The following CACNA1H variants were observed in gnomAD, a reference collection of about 807,000 sequenced individuals.
The protein encoded by CACNA1H is calcium voltage-gated channel subunit alpha1 H, also known as voltage-dependent T-type calcium channel subunit alpha-1H.
In CACNA1H, 149 loss-of-function variants were observed where a neutral mutation model predicts 192.5. The observed-to-expected ratio is 0.77, with a 90% confidence interval of 0.68 to 0.89. The LOEUF (loss-of-function observed/expected upper bound fraction) is 0.89. Among genes scored for constraint, CACNA1H ranks in the 40% least tolerant of loss-of-function variants. CACNA1H has a pLI of 0.00. For missense variants in CACNA1H, 4,257 were observed against 3,423.5 expected (o/e 1.24, Z -6.08); for synonymous variants, 2,202 against 1,475.2 (o/e 1.49, Z -11.29).
intron 2 of CACNA1H, among the ~76,000 whole-genome samples, chr16:1,194,621 G>C (rs561697817): frequency 1.4e-4 from 22 of 152,326 alleles, no homozygotes; most frequent in Admixed American, 5.9e-4. Context: ...GCCCCATGTG[G>C]GCAGCTAGGC....
chr16:1,169,677 G>A (rs567061401), intron 2 of CACNA1H, among the ~76,000 whole-genome samples: 18 of 152,352 alleles, frequency 1.2e-4, no homozygotes, highest in Non-Finnish European at 2.6e-4. Flanking sequence ...TGTCTGGGTC[G>A]GCCACAGGCC....
intron 2 of CACNA1H, among the ~76,000 whole-genome samples, chr16:1,182,233 C>T (rs1596343006): frequency 1.3e-5 from 2 of 152,286 alleles, no homozygotes; most frequent in African/African-American, 4.8e-5. Flanking sequence ...GGCCTCAGCC[C>T]ACCTGGGTGC....
In CACNA1H at chr16:1,195,919, C is replaced by A. The variant is rs1284560081; in HGVS notation, c.546-7C>A. ...GTTGAGCTGCTCCCCCTCGGCCCCG[C>A]CCCCAGCATGATGGAGTACTCGTTG... On this transcript the variant is annotated splice_polypyrimidine_tract_variant and splice_region_variant and intron_variant, in intron 4 of 34. Transcript: ENST00000348261. 1 of 1,611,264 alleles carries A rather than the reference C, an allele frequency of 6.2e-7. No individual in the cohort carries two copies. The highest frequency in any genetic ancestry group is 8.5e-7 in the Non-Finnish European group (1 of 1,178,254).
intron 26 of CACNA1H, among the ~76,000 whole-genome samples, chr16:1,213,526 C>T (rs1403413066): frequency 6.6e-6 from 1 of 152,102 alleles, no homozygotes; most frequent in Non-Finnish European, 1.5e-5. Context: ...CTGCTCCAGC[C>T]CAGGCCTCCT....
In CACNA1H at chr16:1,207,124, G is replaced by C; in HGVS notation, c.2907+6G>C. 1 of 1,579,540 alleles carries C rather than the reference G, an allele frequency of 6.3e-7. No homozygotes were observed. The highest frequency in any genetic ancestry group is 1.2e-5 in the South Asian group (1 of 86,716). Reference sequence around the variant, plus strand: ...CCATCGTCACCGTGTTCCAGGTAGTGCCCGGGGTCCCCGCAGCAGTGTTGG... The same window carrying C: ...CCATCGTCACCGTGTTCCAGGTAGTCCCCGGGGTCCCCGCAGCAGTGTTGG... On this transcript the variant is annotated splice_donor_region_variant and intron_variant, in intron 13 of 34. Coordinates refer to ENST00000348261, the MANE Select transcript of CACNA1H (RefSeq NM_021098.3).
rs532454901 is a variant in CACNA1H at position 1,175,027 on chromosome 16, A to G, written c.300-19945A>G. Among the ~76,000 whole-genome samples, 9 of 151,224 alleles carry G rather than the reference A, an allele frequency of 6.0e-5. 1 individual carries two copies. The South Asian group carries it at 1.7e-3, about 28-fold the overall frequency. On this transcript the variant is annotated intron_variant, in intron 2 of 34. Coordinates refer to ENST00000348261, the MANE Select transcript of CACNA1H (RefSeq NM_021098.3). ...TCAGGGCTGCATGGACTGTGAGGCC[A>G]GCTAGGTGGTGGCTCCGTGTATCAG... is the stretch of plus-strand genomic sequence containing the variant.
In CACNA1H at chr16:1,195,063, G is replaced by T. The variant is rs753494538; in HGVS notation, c.391G>T (p.Glu131Ter). The T allele has an allele frequency of 6.2e-7, 1 of 1,607,574 alleles. No homozygotes were observed. Among genetic ancestry groups the T allele is most frequent in the Non-Finnish European group, 8.5e-7 (1 of 1,176,242 alleles). The change falls in exon 3 of 35, where the codon GAG becomes TAG. Residue 131 changes from glutamate to a stop codon, truncating the protein, a stop_gained. Transcript: ENST00000348261. LOFTEE classifies it high-confidence loss of function. ...RPCEDVECGS[E>*]RCNILEAFDA... The stretch of plus-strand genomic sequence containing the variant: ...CTGTGAGGACGTTGAGTGCGGCTCC[G>T]AGCGCTGCAACATCCTGGAGGTGAG...
chr16:1,196,594 C>T (rs1967004878), intron 5 of CACNA1H, among the ~76,000 whole-genome samples: 1 of 152,212 alleles, frequency 6.6e-6, no homozygotes, highest in Non-Finnish European at 1.5e-5. Flanking sequence ...AGGGCTGGGC[C>T]TCCGTGTCCC....
chr16:1,195,796 TG>T, intron 4 of CACNA1H, 129 bp from the exon 5 acceptor site: 1 of 900,716 alleles, frequency 1.1e-6, no homozygotes, highest in Non-Finnish European at 1.8e-6. Context: ...GGGCCCTTCC[TG>T]GCCAGTACAA....
At chr16:1,217,113 G>T (rs981802239) in intron 31 of CACNA1H, 103 bp downstream of exon 31, 2 of 1,018,318 alleles carry the variant, frequency 2.0e-6, no homozygotes, top group Non-Finnish European at 1.5e-6. Context: ...ATAGCGTGGG[G>T]CCTGATCAGG....
At chr16:1,185,612 C>A (rs1251411713) in intron 2 of CACNA1H, among the ~76,000 whole-genome samples, 1 of 96,670 alleles carries the variant, frequency 1.0e-5, no homozygotes, top group African/African-American at 5.0e-5. Context: ...GCGTAGGGGC[C>A]GGAGGCGGGG....
chr16:1,168,548 G>T (rs1408981695), intron 2 of CACNA1H, among the ~76,000 whole-genome samples: 1 of 152,014 alleles, frequency 6.6e-6, no homozygotes, highest in African/African-American at 2.4e-5. Context: ...AGGCAGGGAG[G>T]GCTCCCTGGA....
Position 1,219,112 on chromosome 16 carries a change from C to T in CACNA1H, c.6030C>T (p.Ser2010=), listed in dbSNP as rs1313776461. 1 of 1,543,142 alleles carries T rather than the reference C, an allele frequency of 6.5e-7. No individual in the cohort carries two copies. The highest frequency in any genetic ancestry group is 8.8e-7 in the Non-Finnish European group (1 of 1,142,844). The stretch of plus-strand genomic sequence containing the variant: ...GCACAGCCCGCTCCCCCAGTCTCAG[C>T]CGGCTGCTCTGCAGACAGGTAGGAG... The part of the protein sequence containing the change: ...PRGTARSPSL[S]RLLCRQEAVH... The change falls in exon 34 of 35, where the codon AGC becomes AGT. Residue 2010 remains serine, a synonymous_variant. Transcript: ENST00000348261.
chr16:1,205,183 C>G lies in CACNA1H; in HGVS notation c.2521C>G (p.Leu841Val). The G allele has an allele frequency of 6.2e-7, 1 of 1,613,100 alleles. No homozygotes were observed. The highest frequency in any genetic ancestry group is 1.3e-5 in the African/African-American group (1 of 75,040). ...VFTSMFALEM[L>V]LKLLACGPLG... ...CACCAGCATGTTTGCCCTGGAGATG[C>G]TGCTGAAGCTGCTGGCCTGCGGCCC... Residue 841 changes from leucine (L) to valine (V), a missense_variant, in exon 11 of 35, where the codon CTG becomes GTG. Physicochemically the swap from Leu to Val is conservative, Grantham distance 32 (BLOSUM62 1). Coordinates refer to ENST00000348261, the MANE Select transcript of CACNA1H (RefSeq NM_021098.3).
intron 2 of CACNA1H, among the ~76,000 whole-genome samples, chr16:1,172,990 G>A (rs974281999): frequency 6.6e-6 from 1 of 152,104 alleles, no homozygotes; most frequent in Non-Finnish European, 1.5e-5. Flanking sequence ...CTGGGAGGGA[G>A]GGGAGGGGTG....
chr16:1,179,120 C>T (rs934464361), intron 2 of CACNA1H, among the ~76,000 whole-genome samples: 9 of 152,212 alleles, frequency 5.9e-5, no homozygotes, highest in Non-Finnish European at 1.2e-4. Flanking sequence ...TCAGACCTGC[C>T]TGGGAAGCAA....
intron 24 of CACNA1H, 66 bp downstream of exon 24, chr16:1,211,871 G>T (rs1414263027): frequency 2.5e-6 from 4 of 1,609,802 alleles, no homozygotes; most frequent in Non-Finnish European, 3.4e-6. Context: ...TTGGCCTCTG[G>T]GGACTCGGGG....
chr16:1,162,057 C>T (rs1206990267), intron 2 of CACNA1H, among the ~76,000 whole-genome samples: 2 of 152,112 alleles, frequency 1.3e-5, no homozygotes, highest in East Asian at 1.9e-4. Context: ...ACCTCCTGGG[C>T]GTTGGTTTTC....
intron 33 of CACNA1H, 101 bp from the exon 34 acceptor site, chr16:1,218,869 A>AGGAAGGAGGATGGT (rs1970248655): frequency 1.9e-6 from 2 of 1,044,830 alleles, no homozygotes; most frequent in Non-Finnish European, 2.6e-6. Context: ...GGGGCTGGCC[A>AGGAAGGAGGATGGT]GGAAGGAGGA....
Sources: allele counts gnomAD v4.1 joint callset (sites outside exome capture counted in the v4.1 genomes callset), GRCh38; gene constraint gnomAD v4.1.1; transcripts MANE v1.5; gene names NCBI Gene and HGNC (gene_info 2026-07-23, HGNC 2026-07-21).